The following PRTFDC1 variants were observed in gnomAD, a reference collection of about 807,000 sequenced individuals.
PRTFDC1 encodes the protein phosphoribosyl transferase domain containing 1, also known as phosphoribosyltransferase domain-containing protein 1.
In PRTFDC1, 38 loss-of-function variants were observed where a neutral mutation model predicts 34.6. That is an observed-to-expected ratio of 1.10 (90% CI 0.85 to 1.44). The LOEUF is 1.44. PRTFDC1 is among the 40% of genes most tolerant of loss of function. The pLI, the probability that PRTFDC1 is intolerant of heterozygous loss-of-function variation, is 0.00. For synonymous variants in PRTFDC1, 93 were observed against 98.1 expected (o/e 0.95, Z 0.31); for missense variants, 270 against 283.0 (o/e 0.95, Z 0.33).
At chr10:24,912,046 A>G (rs1014473674) in intron 3 of PRTFDC1, among the ~76,000 whole-genome samples, 9 of 151,852 alleles carry the variant, frequency 5.9e-5, no homozygotes, top group African/African-American at 1.9e-4. Context: ...AGGCGGGTGG[A>G]TCACTTGAGG....
At chr10:24,932,664 G>A (rs1848989031) in intron 3 of PRTFDC1, among the ~76,000 whole-genome samples, 1 of 151,972 alleles carries the variant, frequency 6.6e-6, no homozygotes, top group African/African-American at 2.4e-5. Context: ...GATATACCGT[G>A]TTCATGGAAT....
At chr10:24,886,222 T>C (rs919077997) in intron 3 of PRTFDC1, among the ~76,000 whole-genome samples, 2 of 150,168 alleles carry the variant, frequency 1.3e-5, no homozygotes, top group African/African-American at 5.1e-5. Context: ...GGGGAGTCTA[T>C]GTGGGGCTAT....
chr10:24,952,262 C>A lies in PRTFDC1; in HGVS notation c.48+266G>T, dbSNP rs1218738558. 6.6e-6 allele frequency among the ~76,000 whole-genome samples: 1 copy of A among 152,042 alleles called. No homozygotes were observed. The highest frequency in any genetic ancestry group is 2.0e-4 in the East Asian group (1 of 5,114). On this transcript the variant is annotated intron_variant, in intron 1 of 8. Transcript: ENST00000320152. This position sits in a 1 kb window ranked among gnomAD's most constrained non-coding sequence, Gnocchi z 5.1. Reference sequence around the variant, plus strand: ...GGGGATGGGGACGGCTGGGCGCCGGCGGGACGCTGCAGGAGCGAGCTACCG... The same window carrying A: ...GGGGATGGGGACGGCTGGGCGCCGGAGGGACGCTGCAGGAGCGAGCTACCG...
At chr10:24,931,205 T>A (rs1055688908) in intron 3 of PRTFDC1, among the ~76,000 whole-genome samples, 1 of 152,090 alleles carries the variant, frequency 6.6e-6, no homozygotes, top group Non-Finnish European at 1.5e-5. Flanking sequence ...ATGAACACAA[T>A]ATATCAAAAT....
chr10:24,880,258 T>C (rs1848043784), intron 3 of PRTFDC1, among the ~76,000 whole-genome samples: 1 of 149,672 alleles, frequency 6.7e-6, no homozygotes, highest in Non-Finnish European at 1.5e-5. Context: ...TTTTTTTTCT[T>C]TTTTTTTTTG....
At chr10:24,904,808 A>G (rs1848506698) in intron 3 of PRTFDC1, among the ~76,000 whole-genome samples, 1 of 152,178 alleles carries the variant, frequency 6.6e-6, no homozygotes. Context: ...ATTTCATCCC[A>G]AATTCTATCC....
At chr10:24,883,093 A>C (rs943877911) in intron 3 of PRTFDC1, among the ~76,000 whole-genome samples, 1 of 148,314 alleles carries the variant, frequency 6.7e-6, no homozygotes, top group Non-Finnish European at 1.5e-5. Context: ...AACACATAGA[A>C]TATAAATATA....
chr10:24,920,186 C>G (rs1401035608), intron 3 of PRTFDC1, among the ~76,000 whole-genome samples: 1 of 152,014 alleles, frequency 6.6e-6, no homozygotes, highest in African/African-American at 2.4e-5. Flanking sequence ...CTTATGTTCA[C>G]TGAAGCACTA....
At chr10:24,909,275 T>C (rs920559337) in intron 3 of PRTFDC1, among the ~76,000 whole-genome samples, 1 of 151,994 alleles carries the variant, frequency 6.6e-6, no homozygotes, top group Non-Finnish European at 1.5e-5. Context: ...AGTGAGACTT[T>C]CATCTCAAAA....
Position 24,857,022 on chromosome 10 carries a change from A to C in PRTFDC1, c.424-27T>G, listed in dbSNP as rs200680691. The C allele has an allele frequency of 1.9e-6, 3 of 1,562,084 alleles. No homozygotes were observed. The African/African-American group carries it at 4.1e-5, about 21-fold the overall frequency. Reference sequence around the variant, plus strand: ...TTTGCAAAAAGGACAGATAAATTCAACAAAATGCATTTGAGCAGCACAATA... The same window carrying C: ...TTTGCAAAAAGGACAGATAAATTCACCAAAATGCATTTGAGCAGCACAATA... On this transcript the variant is annotated intron_variant, in intron 5 of 8. Coordinates refer to ENST00000320152, the MANE Select transcript of PRTFDC1 (RefSeq NM_020200.7).
intron 3 of PRTFDC1, among the ~76,000 whole-genome samples, chr10:24,899,528 T>C (rs1848418815): frequency 6.6e-6 from 1 of 151,904 alleles, no homozygotes; most frequent in African/African-American, 2.4e-5. Context: ...CCACAAAACT[T>C]AGGGGGTGGG....
In PRTFDC1 at chr10:24,851,421, G is replaced by C. The variant is rs768700655; in HGVS notation, c.597C>G (p.Ala199=). The C allele has an allele frequency of 6.2e-7, 1 of 1,611,616 alleles. No individual in the cohort carries two copies. The highest frequency in any genetic ancestry group is 8.5e-7 in the Non-Finnish European group (1 of 1,179,502). Residue 199 remains alanine, a synonymous_variant, in exon 8 of 9, where the codon GCC becomes GCG. Coordinates refer to ENST00000320152, the MANE Select transcript of PRTFDC1 (RefSeq NM_020200.7). ...CTCTGAAGTATTCATTGTAATCTAA[G>C]GCATATCCCACCACAAATAAGTTTG... ...EIPNLFVVGY[A]LDYNEYFRDL... is the part of the protein sequence containing the mutation.
intron 3 of PRTFDC1, among the ~76,000 whole-genome samples, chr10:24,929,852 G>A (rs1318888268): frequency 6.6e-6 from 1 of 152,108 alleles, no homozygotes. Context: ...TCCACTCAAA[G>A]TCCCTTAGAA....
intron 3 of PRTFDC1, among the ~76,000 whole-genome samples, chr10:24,933,165 C>T (rs4747508): frequency 0.62 from 94,187 of 151,600 alleles, 30,063 homozygotes; most frequent in African/African-American, 0.78. Flanking sequence ...TGAAACTTCT[C>T]TTTTTAAAAA....
At chr10:24,895,228 T>G (rs181794492) in intron 3 of PRTFDC1, among the ~76,000 whole-genome samples, 1 of 151,700 alleles carries the variant, frequency 6.6e-6, no homozygotes, top group Non-Finnish European at 1.5e-5. Flanking sequence ...GTAGGATTTG[T>G]CCTTCTTCTG....
chr10:24,951,748 G>T, intron 1 of PRTFDC1: 1 of 288,280 alleles, frequency 3.5e-6, no homozygotes, highest in Non-Finnish European at 5.2e-6. Flanking sequence ...ACAAGGTCAA[G>T]AACGGGTTGG....
chr10:24,886,253 C>T (rs1473967436), intron 3 of PRTFDC1, among the ~76,000 whole-genome samples: 3 of 152,268 alleles, frequency 2.0e-5, no homozygotes, highest in Non-Finnish European at 2.9e-5. Flanking sequence ...CTGTACCTCC[C>T]AGACAGCTTT....
intron 3 of PRTFDC1, among the ~76,000 whole-genome samples, chr10:24,929,182 G>T (rs1000719668): frequency 2.0e-5 from 3 of 152,032 alleles, no homozygotes; most frequent in African/African-American, 7.3e-5. Context: ...CACTGAACCT[G>T]GCTTATCCAT....
At chr10:24,865,224 C>A (rs1184809571) in intron 4 of PRTFDC1, among the ~76,000 whole-genome samples, 1 of 152,126 alleles carries the variant, frequency 6.6e-6, no homozygotes, top group African/African-American at 2.4e-5. Context: ...GACCTCATTT[C>A]TTTCACTTTC....
Sources: gnomAD v4.1 joint callset for allele counts (sites outside exome capture counted in the v4.1 genomes callset) on GRCh38, gnomAD v4.1.1 for gene constraint, Gnocchi (gnomAD v3.1) non-coding constraint, MANE v1.5 for transcripts, NCBI Gene and HGNC (gene_info 2026-07-23, HGNC 2026-07-21) for gene names.